Variants in STK10 observed in about 807,000 individuals in gnomAD.
The protein encoded by STK10 is serine/threonine kinase 10.
In STK10, 78 loss-of-function variants were observed where a neutral mutation model predicts 113.8. That is an observed-to-expected ratio of 0.69 (90% CI 0.57 to 0.83). STK10 has a LOEUF of 0.83. Ranked by LOEUF, STK10 falls within the 40% of genes least tolerant of loss-of-function variation. The pLI is 0.00. For synonymous variants in STK10, 465 were observed against 494.7 expected, an observed-to-expected ratio of 0.94 and a Z score of 0.80; for missense variants, 1,109 against 1,280.1, an observed-to-expected ratio of 0.87 and a Z score of 2.04.
chr5:172,078,213 G>A (rs530934152), intron 12 of STK10, among the ~76,000 whole-genome samples: 2 of 152,326 alleles, frequency 1.3e-5, no homozygotes, highest in East Asian at 3.9e-4. Flanking sequence ...GATATCTGGG[G>A]TTGCCATGGA....
At chr5:172,126,067 C>T (rs1423707515) in intron 3 of STK10, among the ~76,000 whole-genome samples, 2 of 152,182 alleles carry the variant, frequency 1.3e-5, no homozygotes, top group South Asian at 2.1e-4. Flanking sequence ...AAGTGCCTCT[C>T]CTCTTCTGGG....
chr5:172,138,511 T>C (rs1323086277), intron 2 of STK10, among the ~76,000 whole-genome samples: 1 of 149,478 alleles, frequency 6.7e-6, no homozygotes, highest in African/African-American at 2.5e-5. Flanking sequence ...ATAAACACAT[T>C]TAGTTGCAGG....
chr5:172,100,183 A>G (rs1039065077), intron 7 of STK10, among the ~76,000 whole-genome samples: 3 of 152,190 alleles, frequency 2.0e-5, no homozygotes, highest in Non-Finnish European at 4.4e-5. Context: ...CATTAGAGAG[A>G]TAACGCCCTG....
At chr5:172,085,688 CAA>C (rs74437272) in intron 10 of STK10, among the ~76,000 whole-genome samples, 22,468 of 108,092 alleles carry the variant, frequency 0.21, 1,799 homozygotes, top group African/African-American at 0.23. Flanking sequence ...GACTCCATTT[CAA>C]AAAAAAAAAA....
In STK10 at chr5:172,117,399, C is replaced by T. The variant is rs907905801; in HGVS notation, c.520+82G>A. On this transcript the variant is annotated intron_variant, in intron 4 of 18. Coordinates refer to ENST00000176763, the MANE Select transcript of STK10 (RefSeq NM_005990.4). The stretch of plus-strand genomic sequence containing the variant: ...ACCCCACACCCCCATGAGGTCCACA[C>T]TCCCACTGGCCTGCAGAGGCCAGGC... 2.6e-6 allele frequency: 4 copies of T among 1,560,158 alleles called. No individual in the cohort carries two copies. The African/African-American group carries it at 5.4e-5, about 21-fold the overall frequency.
At chr5:172,157,514 C>T (rs964021175) in intron 1 of STK10, among the ~76,000 whole-genome samples, 1 of 152,104 alleles carries the variant, frequency 6.6e-6, no homozygotes, top group African/African-American at 2.4e-5. Flanking sequence ...AGAGACCACA[C>T]CATTGCACTC....
Position 172,187,945 on chromosome 5 carries a change from T to C in STK10, c.98A>G (p.Asn33Ser), listed in dbSNP as rs749870859. Residue 33 changes from asparagine (N) to serine (S), a missense_variant, in exon 1 of 19, where the codon AAC becomes AGC. Transcript: ENST00000176763. The surrounding 1 kb of genome is among the most constrained non-coding windows in gnomAD (Gnocchi z 4.6). ...YEHVRRDLDP[N>S]EVWEIVGELG... ...CTCGCCCACGATCTCCCACACCTCG[T>C]TGGGGTCCAGGTCGCGGCGGACGTG... 14 of 1,613,564 alleles carry C rather than the reference T, an allele frequency of 8.7e-6. No homozygotes were observed. The highest frequency in any genetic ancestry group is 2.2e-5 in the East Asian group (1 of 44,836).
intron 1 of STK10, among the ~76,000 whole-genome samples, chr5:172,172,986 G>GA (rs1459268345): frequency 1.8e-4 from 26 of 148,110 alleles, no homozygotes; most frequent in African/African-American, 4.4e-4. Flanking sequence ...TCAAAAAAAA[G>GA]AAAAAAAAAA....
intron 2 of STK10, among the ~76,000 whole-genome samples, chr5:172,138,787 C>CGGG (rs563759936): frequency 6.6e-6 from 1 of 151,908 alleles, no homozygotes; most frequent in Non-Finnish European, 1.5e-5. Flanking sequence ...CTAAGGTGGG[C>CGGG]GGATCACGAG....
chr5:172,060,943 C>T (rs1370354026), intron 14 of STK10, among the ~76,000 whole-genome samples, 196 bp downstream of exon 14: 1 of 152,118 alleles, frequency 6.6e-6, no homozygotes, highest in Non-Finnish European at 1.5e-5. Flanking sequence ...CTCAAATAGT[C>T]TTGGTGACAA....
chr5:172,048,871 T>C (rs781572113), intron 18 of STK10, among the ~76,000 whole-genome samples: 38 of 151,726 alleles, frequency 2.5e-4, no homozygotes, highest in Middle Eastern at 6.8e-3. Flanking sequence ...CCTCCCACCG[T>C]CACCACCACT....
chr5:172,178,161 C>G (rs1165860251), intron 1 of STK10, among the ~76,000 whole-genome samples: 1 of 152,202 alleles, frequency 6.6e-6, no homozygotes, highest in Admixed American at 6.5e-5. Flanking sequence ...ACAGAGAAGA[C>G]CGAAATCTGG....
rs1363601064 is a variant in STK10 at position 172,056,979 on chromosome 5, GAA to G, written c.2337+368_2337+369del. ...GGAAAGAAAGAAAGAAAGAAAGAAA[GAA>G]AGAAAGAAAGAAAGAGAAAGAAGGA... On this transcript the variant is annotated intron_variant, in intron 15 of 18. Transcript: ENST00000176763. 135 of 95,410 alleles carry G rather than the reference GAA, an allele frequency of 1.4e-3. 1 individual carries two copies. The highest frequency in any genetic ancestry group is 4.6e-3 in the Middle Eastern group (1 of 216). The allele number at this position is 95,410 out of a possible 1,614,324, so 5.9% of individuals were successfully genotyped here. A position where few individuals can be genotyped will look rare whatever the true frequency, so the allele number is the denominator to read the frequency against.
At chr5:172,086,084 G>C (rs1439825924) in intron 10 of STK10, among the ~76,000 whole-genome samples, 3 of 152,208 alleles carry the variant, frequency 2.0e-5, no homozygotes. Flanking sequence ...ATCCTTGTGG[G>C]ACTCACTCCC....
intron 10 of STK10, among the ~76,000 whole-genome samples, chr5:172,088,657 G>A (rs919025104): frequency 1.2e-4 from 18 of 152,088 alleles, no homozygotes; most frequent in African/African-American, 2.4e-5. Context: ...AGGGGACTCC[G>A]TGGCTCCATG....
chr5:172,149,573 G>C lies in STK10; in HGVS notation c.321+7051C>G, dbSNP rs996517485. Among the ~76,000 whole-genome samples the C allele has an allele frequency of 3.1e-5, 4 of 129,342 alleles. No homozygotes were observed. The South Asian group carries it at 9.4e-4, about 31-fold the overall frequency. 84.9% of individuals were successfully genotyped at this position (129,342 alleles called of 152,430 possible). On this transcript the variant is annotated intron_variant, in intron 2 of 18. Transcript: ENST00000176763. ...ACAACCGGGTGCCCCAATCCAGAGAGAGGGCAGGGGTTGGTGAGTGCCAGG... is the reference window on the plus strand; with the variant it reads ...ACAACCGGGTGCCCCAATCCAGAGACAGGGCAGGGGTTGGTGAGTGCCAGG...
At chr5:172,081,574 C>T (rs886792083) in intron 12 of STK10, among the ~76,000 whole-genome samples, 5 of 152,070 alleles carry the variant, frequency 3.3e-5, no homozygotes, top group Admixed American at 2.0e-4. Flanking sequence ...GCTCAGCTGG[C>T]CAGGAACCCT....
At chr5:172,174,065 C>T (rs752575474) in intron 1 of STK10, among the ~76,000 whole-genome samples, 4 of 152,070 alleles carry the variant, frequency 2.6e-5, no homozygotes, top group Non-Finnish European at 4.4e-5. Flanking sequence ...AGTGTAGCCA[C>T]GTCATAACCA....
chr5:172,087,958 C>T (rs1329331265), intron 10 of STK10, among the ~76,000 whole-genome samples: 3 of 151,968 alleles, frequency 2.0e-5, no homozygotes, highest in Non-Finnish European at 2.9e-5. Flanking sequence ...TAGAGTCTTG[C>T]TCTGTTACCC....
Sources: allele counts gnomAD v4.1 joint callset (sites outside exome capture counted in the v4.1 genomes callset), GRCh38; gene constraint gnomAD v4.1.1; non-coding constraint Gnocchi (gnomAD v3.1); transcripts MANE v1.5; gene names NCBI Gene and HGNC (gene_info 2026-07-23, HGNC 2026-07-21).